Variants in SLC9B1 observed in about 807,000 individuals in gnomAD.
The protein encoded by SLC9B1 is sodium/hydrogen exchanger 9B1.
In SLC9B1, 32 loss-of-function variants were observed where a neutral mutation model predicts 51.7. The ratio of observed to expected loss-of-function variants is 0.62; its 90% CI spans 0.47 to 0.83. SLC9B1 has a LOEUF of 0.83. Ranked by LOEUF, SLC9B1 falls within the 40% of genes least tolerant of loss-of-function variation. The pLI is 0.00. For synonymous variants in SLC9B1, 145 were observed against 212.7 expected (o/e 0.68, Z 2.77); for missense variants, 406 against 613.2 (o/e 0.66, Z 3.57).
chr4:102,920,673 G>C (rs191889466), intron 7 of SLC9B1, among the ~76,000 whole-genome samples: 1 of 152,302 alleles, frequency 6.6e-6, no homozygotes, highest in Admixed American at 6.5e-5. Context: ...AAAAAGATTA[G>C]ATGAATGGCT....
chr4:102,943,506 T>TACACAC (rs373442152), intron 6 of SLC9B1, among the ~76,000 whole-genome samples: 3,836 of 145,546 alleles, frequency 0.026, 136 homozygotes, highest in African/African-American at 0.083. Flanking sequence ...TGTGTATGTA[T>TACACAC]ACACACACAC....
intron 6 of SLC9B1, among the ~76,000 whole-genome samples, chr4:102,936,061 G>A (rs577670780): frequency 5.3e-5 from 8 of 152,162 alleles, no homozygotes; most frequent in Non-Finnish European, 1.2e-4. Flanking sequence ...GAACACCTCA[G>A]TGCTTAACAC....
chr4:102,885,194 T>G (rs779698439), exon 12 of SLC9B1: 121 of 1,590,892 alleles, frequency 7.6e-5, no homozygotes, highest in Non-Finnish European at 1.0e-4. Context: ...CACTGCAGAT[T>G]CTGACACATC....
In SLC9B1 at chr4:103,008,947, G is replaced by C. The variant is rs540934235; in HGVS notation, c.-2+10652C>G. On this transcript the variant is annotated intron_variant, in intron 1 of 11. Transcript: ENST00000296422. ...CCCGAGCAGCTGGGACTACGGGCGC[G>C]TGCCACCACGTCTGGCTAATTTTTT... Among the ~76,000 whole-genome samples the C allele has an allele frequency of 4.8e-3, 729 of 152,046 alleles. 1 individual carries two copies. The highest frequency in any genetic ancestry group is 7.1e-3 in the Non-Finnish European group (485 of 67,942).
chr4:102,898,054 C>G (rs1422449482), downstream of SLC9B1: 5 of 457,192 alleles, frequency 1.1e-5, no homozygotes, highest in African/African-American at 8.0e-5. Flanking sequence ...AAGCCATGCC[C>G]TAGTCGTGCT....
At chr4:102,999,384 T>G (rs1314288749) in intron 1 of SLC9B1, among the ~76,000 whole-genome samples, 1 of 152,224 alleles carries the variant, frequency 6.6e-6, no homozygotes, top group Non-Finnish European at 1.5e-5. Context: ...TCCAATATCA[T>G]GAAGCTTTCC....
intron 6 of SLC9B1, among the ~76,000 whole-genome samples, chr4:102,937,721 G>A (rs376012093): frequency 1.9e-4 from 9 of 46,446 alleles, no homozygotes; most frequent in Admixed American, 7.9e-4. Context: ...ACACTCTGTC[G>A]CCAAAAAAAA....
intron 11 of SLC9B1, among the ~76,000 whole-genome samples, chr4:102,904,899 G>A (rs1291135579): frequency 2.6e-5 from 4 of 151,984 alleles, no homozygotes; most frequent in Admixed American, 6.5e-5. Flanking sequence ...CAGGAGAATC[G>A]CTTGAACCTG....
intron 2 of SLC9B1, among the ~76,000 whole-genome samples, chr4:102,990,180 T>C (rs1739876817): frequency 1.3e-5 from 2 of 152,036 alleles, no homozygotes; most frequent in Non-Finnish European, 1.5e-5. Context: ...TTTTCAATCA[T>C]TTGTGTATAC....
At chr4:103,007,989 T>TTTTTGTA (rs1740879228) in intron 1 of SLC9B1, among the ~76,000 whole-genome samples, 1 of 152,220 alleles carries the variant, frequency 6.6e-6, no homozygotes, top group Non-Finnish European at 1.5e-5. Context: ...TATGGCCTGC[T>TTTTTGTA]TTTTGTACTA....
intron 3 of SLC9B1, among the ~76,000 whole-genome samples, chr4:102,977,610 C>T (rs191476242): frequency 6.6e-6 from 1 of 152,092 alleles, no homozygotes; most frequent in Admixed American, 6.6e-5. Flanking sequence ...TTTGGGAATA[C>T]TTTAATTATG....
At chr4:102,977,146 C>A in intron 3 of SLC9B1, among the ~76,000 whole-genome samples, 1 of 150,016 alleles carries the variant, frequency 6.7e-6, no homozygotes, top group African/African-American at 2.5e-5. Flanking sequence ...TGAGACTCTG[C>A]CTCCAAAAAA....
intron 7 of SLC9B1, among the ~76,000 whole-genome samples, chr4:102,920,306 A>C (rs1325776851): frequency 6.6e-6 from 1 of 152,220 alleles, no homozygotes; most frequent in Admixed American, 6.5e-5. Flanking sequence ...ACAGACTTGC[A>C]GCTGAGGGTC....
At chr4:103,013,092 C>A (rs1039038990) in intron 1 of SLC9B1, among the ~76,000 whole-genome samples, 1 of 152,170 alleles carries the variant, frequency 6.6e-6, no homozygotes, top group Non-Finnish European at 1.5e-5. Flanking sequence ...TGGTTTTTCT[C>A]AACTATAGAC....
intron 9 of SLC9B1, among the ~76,000 whole-genome samples, chr4:102,908,763 C>G (rs1195766509): frequency 6.6e-6 from 1 of 152,282 alleles, no homozygotes; most frequent in East Asian, 1.9e-4. Context: ...TTTCATACAC[C>G]AGACACCATA....
intron 1 of SLC9B1, among the ~76,000 whole-genome samples, chr4:103,012,122 A>C (rs1175634647): frequency 1.3e-5 from 2 of 152,192 alleles, no homozygotes; most frequent in Non-Finnish European, 2.9e-5. Flanking sequence ...TCTTGAATTA[A>C]TTTTTCTCTT....
intron 11 of SLC9B1, among the ~76,000 whole-genome samples, chr4:102,904,359 CTG>C (rs1560918189): frequency 7.9e-5 from 12 of 151,978 alleles, no homozygotes. Context: ...CATGCCTGGC[CTG>C]TGTCTCTACT....
At chr4:102,969,573 C>T (rs894589838) in intron 3 of SLC9B1, among the ~76,000 whole-genome samples, 4 of 152,202 alleles carry the variant, frequency 2.6e-5, no homozygotes, top group Non-Finnish European at 4.4e-5. Context: ...ACCAGAGTGC[C>T]TCTTCTCCTC....
chr4:102,905,393 A>G, intron 11 of SLC9B1, 121 bp downstream of exon 11: 2 of 1,050,442 alleles, frequency 1.9e-6, no homozygotes, highest in Non-Finnish European at 2.8e-6. Flanking sequence ...GTTATGATCA[A>G]TCAAACATTT....
Sources: allele counts gnomAD v4.1 joint callset (sites outside exome capture counted in the v4.1 genomes callset), GRCh38; gene constraint gnomAD v4.1.1; transcripts MANE v1.5; gene names NCBI Gene and HGNC (gene_info 2026-07-23, HGNC 2026-07-21).